Variants in CCDC178 observed in about 807,000 individuals in gnomAD.
CCDC178 encodes the protein coiled-coil domain-containing protein 178.
Under a neutral mutation model 117.4 loss-of-function variants are expected in CCDC178, and 126 were observed. The observed-to-expected ratio is 1.07, with a 90% CI of 0.93 to 1.24. The LOEUF (loss-of-function observed/expected upper bound fraction) is 1.24. Ranked by LOEUF, CCDC178 falls within the 50% of genes most tolerant of loss-of-function variation. CCDC178 has a pLI of 0.00. For synonymous variants in CCDC178, 283 were observed against 313.4 expected (o/e 0.90, Z 1.02); for missense variants, 1,030 against 986.9 (o/e 1.04, Z -0.59).
At chr18:33,358,273 A>G (rs540176330) in intron 6 of CCDC178, among the ~76,000 whole-genome samples, 1 of 152,142 alleles carries the variant, frequency 6.6e-6, no homozygotes, top group East Asian at 1.9e-4. Flanking sequence ...TAAAATCCCA[A>G]TAGATTTTTT....
intron 15 of CCDC178, among the ~76,000 whole-genome samples, chr18:33,241,520 T>C (rs1381439387): frequency 6.6e-6 from 1 of 150,884 alleles, no homozygotes; most frequent in African/African-American, 2.4e-5. Context: ...TCCTTAAAGT[T>C]GCGAGATATA....
chr18:33,244,146 C>T (rs890222063), intron 15 of CCDC178, among the ~76,000 whole-genome samples: 2 of 151,884 alleles, frequency 1.3e-5, no homozygotes, highest in African/African-American at 4.8e-5. Context: ...TTTACACATC[C>T]GAAATTCAGA....
intron 10 of CCDC178, among the ~76,000 whole-genome samples, chr18:33,331,380 G>A (rs1242955249): frequency 2.0e-5 from 3 of 152,028 alleles, no homozygotes; most frequent in Non-Finnish European, 2.9e-5. Context: ...GCCATCCTGA[G>A]TTGTGGCTTC....
At chr18:33,221,620 C>G (rs2059235183) in intron 18 of CCDC178, among the ~76,000 whole-genome samples, 1 of 151,984 alleles carries the variant, frequency 6.6e-6, no homozygotes, top group African/African-American at 2.4e-5. Context: ...TATTTTTTGG[C>G]TCTTGAACTA....
intron 20 of CCDC178, among the ~76,000 whole-genome samples, chr18:33,205,879 G>C (rs958924570): frequency 6.6e-6 from 1 of 152,090 alleles, no homozygotes; most frequent in Non-Finnish European, 1.5e-5. Context: ...ACTTTTTGTA[G>C]TGACAGGGTT....
intron 20 of CCDC178, among the ~76,000 whole-genome samples, chr18:33,105,242 A>G (rs554453047): frequency 6.6e-5 from 10 of 151,722 alleles, no homozygotes; most frequent in Non-Finnish European, 1.3e-4. Context: ...AGGCACAGTT[A>G]GTACTTTTTA....
In CCDC178 at chr18:33,333,378, C is replaced by T; in HGVS notation, c.675G>A (p.Leu225=). 1 of 1,598,614 alleles carries T rather than the reference C, an allele frequency of 6.3e-7. No individual in the cohort carries two copies. The highest frequency in any genetic ancestry group is 8.5e-7 in the Non-Finnish European group (1 of 1,169,620). ...LAVQKEHEAY[L]SDVIELQWHL... The stretch of plus-strand genomic sequence containing the variant: ...GCCATTGTAATTCTATAACATCACT[C>T]AAATAGGCCTCATGTTCTAGATATA... Residue 225 remains leucine, a synonymous_variant, in exon 10 of 23, where the codon TTG becomes TTA. Transcript: ENST00000383096.
intron 4 of CCDC178, among the ~76,000 whole-genome samples, chr18:33,392,442 C>CT (rs2063576304): frequency 6.6e-6 from 1 of 152,192 alleles, no homozygotes; most frequent in Non-Finnish European, 1.5e-5. Context: ...CACAACTTGA[C>CT]TGAGTCTCAA....
intron 21 of CCDC178, among the ~76,000 whole-genome samples, chr18:32,989,780 T>C (rs1282438112): frequency 6.6e-6 from 1 of 152,064 alleles, no homozygotes; most frequent in African/African-American, 2.4e-5. Context: ...CAACATTATA[T>C]GGGAGGGCCT....
chr18:33,025,629 A>C (rs2056212162), intron 21 of CCDC178, among the ~76,000 whole-genome samples: 1 of 152,228 alleles, frequency 6.6e-6, no homozygotes, highest in South Asian at 2.1e-4. Context: ...ATGACAAATA[A>C]GCACATGAAG....
chr18:33,323,455 T>G, intron 11 of CCDC178, 36 bp downstream of exon 11: 2 of 1,328,924 alleles, frequency 1.5e-6, no homozygotes. Flanking sequence ...ATTTAATTTC[T>G]AAATGCTATA....
chr18:32,992,034 T>G (rs912202316), intron 21 of CCDC178, among the ~76,000 whole-genome samples: 7 of 152,192 alleles, frequency 4.6e-5, no homozygotes, highest in Non-Finnish European at 8.8e-5. Context: ...AAGCTGTAAG[T>G]CAACATGTAG....
chr18:33,079,806 G>T (rs1245330513), intron 21 of CCDC178, among the ~76,000 whole-genome samples: 1 of 152,186 alleles, frequency 6.6e-6, no homozygotes, highest in Non-Finnish European at 1.5e-5. Flanking sequence ...TGGAGCAAAT[G>T]AAACACTAAT....
intron 21 of CCDC178, among the ~76,000 whole-genome samples, chr18:33,085,343 C>A (rs891769080): frequency 1.3e-5 from 2 of 152,172 alleles, no homozygotes; most frequent in Non-Finnish European, 2.9e-5. Context: ...GCGGGCGGAT[C>A]ACGAGGTCAG....
intron 20 of CCDC178, among the ~76,000 whole-genome samples, chr18:33,193,763 C>A (rs140072422): frequency 5.3e-5 from 8 of 152,074 alleles, no homozygotes; most frequent in Non-Finnish European, 1.0e-4. Flanking sequence ...ATTTACAGAG[C>A]GGAGTATATT....
At chr18:33,220,354 A>G (rs1357679379) in intron 18 of CCDC178, among the ~76,000 whole-genome samples, 1 of 152,094 alleles carries the variant, frequency 6.6e-6, no homozygotes, top group African/African-American at 2.4e-5. Flanking sequence ...GAAAATCCAG[A>G]ATAGTCTGGA....
intron 2 of CCDC178, among the ~76,000 whole-genome samples, chr18:33,433,096 C>A (rs1047798914): frequency 6.6e-6 from 1 of 152,004 alleles, no homozygotes; most frequent in Non-Finnish European, 1.5e-5. Context: ...TTTTATAAAC[C>A]TTGTAGGGTT....
intron 20 of CCDC178, among the ~76,000 whole-genome samples, chr18:33,152,500 G>C (rs1227350114): frequency 2.6e-5 from 4 of 151,832 alleles, no homozygotes; most frequent in African/African-American, 9.7e-5. Flanking sequence ...TGGAAACCCA[G>C]AGCTCGCCAG....
At chr18:33,305,926 T>G (rs1455563885) in intron 11 of CCDC178, among the ~76,000 whole-genome samples, 1 of 152,090 alleles carries the variant, frequency 6.6e-6, no homozygotes, top group Non-Finnish European at 1.5e-5. Context: ...CCAAGGACAC[T>G]CAGCTGGCCT....
Sources: allele counts gnomAD v4.1 joint callset (sites outside exome capture counted in the v4.1 genomes callset), GRCh38; gene constraint gnomAD v4.1.1; transcripts MANE v1.5; gene names NCBI Gene and HGNC (gene_info 2026-07-23, HGNC 2026-07-21).